Variants in RGS12 observed in about 807,000 individuals in gnomAD.
The protein encoded by RGS12 is regulator of G protein signaling 12.
RGS12 carries 66 observed loss-of-function variants against 120.1 expected under a neutral mutation model. That is an observed-to-expected ratio of 0.55 (90% CI 0.45 to 0.67). RGS12 has a LOEUF of 0.67. Ranked by LOEUF, RGS12 falls within the 30% of genes least tolerant of loss-of-function variation. The pLI is 0.00. For missense variants in RGS12, 1,859 were observed against 1,957.7 expected (o/e 0.95, Z 0.95); for synonymous variants, 827 against 804.7 (o/e 1.03, Z -0.47).
intron 17 of RGS12, among the ~76,000 whole-genome samples, chr4:3,436,926 C>T (rs558381038): frequency 1.3e-3 from 197 of 152,328 alleles, no homozygotes; most frequent in South Asian, 3.3e-3. Flanking sequence ...GTGGCCCAAG[C>T]GGCAGGGAAC....
rs1424068091 is a variant in RGS12 at position 3,332,955 on chromosome 4, A to G, written c.1882-9982A>G. On this transcript the variant is annotated intron_variant, in intron 2 of 17. Coordinates refer to ENST00000336727, the MANE Select transcript of RGS12 (RefSeq NM_001394154.1). ...ATTCTGCTGCCTCAGCCTCCCGAGTAGCTGGGATTACGGGCACATGCCACC... is the reference window on the plus strand; with the variant it reads ...ATTCTGCTGCCTCAGCCTCCCGAGTGGCTGGGATTACGGGCACATGCCACC... 2.0e-5 allele frequency among the ~76,000 whole-genome samples: 3 copies of G among 151,764 alleles called. No homozygotes were observed. In the East Asian group the frequency reaches 5.8e-4, roughly 29 times the overall value.
In RGS12 at chr4:3,410,665, C is replaced by T. The variant is rs1188639096; in HGVS notation, c.2021-3407C>T. Among the ~76,000 whole-genome samples, 9 of 152,332 alleles carry T rather than the reference C, an allele frequency of 5.9e-5. No homozygotes were observed. The South Asian group carries it at 1.4e-3, about 25-fold the overall frequency. ...TCTGCGTTTGCTCCTCCCAGCAGTG[C>T]AGAAGGTGCCTCTTGGCTCAGACTT... On this transcript the variant is annotated intron_variant, in intron 4 of 17. Coordinates refer to ENST00000336727, the MANE Select transcript of RGS12 (RefSeq NM_001394154.1).
intron 2 of RGS12, among the ~76,000 whole-genome samples, chr4:3,333,110 G>A (rs910784533): frequency 2.1e-4 from 31 of 150,480 alleles, no homozygotes; most frequent in African/African-American, 2.2e-4. Flanking sequence ...GTGCAGTGGC[G>A]CGATCTCGGC....
At chr4:3,422,628 GC>G in intron 11 of RGS12, 58 bp downstream of exon 11, 1 of 1,544,738 alleles carries the variant, frequency 6.5e-7, no homozygotes, top group East Asian at 2.3e-5. Flanking sequence ...CCGCTCCCTG[GC>G]CCCCAGCTTT....
Position 3,416,035 on chromosome 4 carries a change from C to G in RGS12, c.2341C>G (p.Pro781Ala). The G allele has an allele frequency of 6.2e-7, 1 of 1,613,962 alleles. No homozygotes were observed. The stretch of plus-strand genomic sequence containing the variant: ...GTTTCTCTGCAGCAAAGCCACCACC[C>G]CGGTCAACATCGACAGCCAGGCCCA... ...SKFLCSKATT[P>A]VNIDSQAQLA... Residue 781 changes from proline to alanine, a missense_variant, in exon 7 of 18, where the codon CCG becomes GCG. By Grantham distance (27) the Pro-to-Ala change is conservative (BLOSUM62 -1). Transcript: ENST00000336727.
rs61759902 is a variant in RGS12, at chr4:3,343,033, C to T, written c.1978C>T (p.Arg660Cys). 349 of 1,609,534 alleles carry T rather than the reference C, an allele frequency of 2.2e-4. 1 individual carries two copies. In the African/African-American group the frequency reaches 4.0e-3, roughly 18 times the overall value. Reference protein sequence around the residue: ...FGRSKRFSITRSLDDLESATV... With the variant: ...FGRSKRFSITCSLDDLESATV... ...GAGATCCAAGAGATTCAGTATCACT[C>T]GCTCCCTTGATGATCTTGAGGTAAT... Residue 660 changes from arginine (R) to cysteine (C), a missense_variant, in exon 3 of 18, where the codon CGC becomes TGC. Physicochemically the swap from Arg to Cys is radical, Grantham distance 180. Transcript: ENST00000336727.
intron 17 of RGS12, among the ~76,000 whole-genome samples, chr4:3,438,308 G>A (rs1370283416): frequency 1.3e-5 from 2 of 152,090 alleles, no homozygotes; most frequent in East Asian, 1.9e-4. Context: ...CGCTAGGTAC[G>A]CAGGAACCTG....
Position 3,317,310 on chromosome 4 carries a change from C to G in RGS12, c.1140C>G (p.Leu380=). The change falls in exon 2 of 18, where the codon CTC becomes CTG. Residue 380 remains leucine (L), a synonymous_variant. Coordinates refer to ENST00000336727, the MANE Select transcript of RGS12 (RefSeq NM_001394154.1). ...NGCLEFPASS[L]PVLQFISVLY... The stretch of plus-strand genomic sequence containing the variant: ...GTCTGGAATTCCCGGCGTCCTCCCT[C>G]CCCGTCCTGCAGTTCATCTCTGTCC... 1 of 1,614,172 alleles carries G rather than the reference C, an allele frequency of 6.2e-7. No homozygotes were observed. The highest frequency in any genetic ancestry group is 8.5e-7 in the Non-Finnish European group (1 of 1,180,046).
rs1719410081 is a variant in RGS12, at chr4:3,390,747, A to G, written c.2020+4310A>G. Among the ~76,000 whole-genome samples, 1 of 152,210 alleles carries G rather than the reference A, an allele frequency of 6.6e-6. No homozygotes were observed. Among genetic ancestry groups the G allele is most frequent in the Non-Finnish European group, 1.5e-5 (1 of 68,042 alleles). ...TTCTCTCTCCTAGCCTTGTGTCTTC[A>G]TCTCGCCGGTCCTTGTTAGCGAACA... is the stretch of plus-strand genomic sequence containing the variant. On this transcript the variant is annotated intron_variant, in intron 4 of 17. Coordinates refer to ENST00000336727, the MANE Select transcript of RGS12 (RefSeq NM_001394154.1). The surrounding 1 kb of genome is among the most constrained non-coding windows in gnomAD (Gnocchi z 4.6).
chr4:3,337,201 A>G (rs1011233326), intron 2 of RGS12, among the ~76,000 whole-genome samples: 7 of 152,194 alleles, frequency 4.6e-5, no homozygotes, highest in African/African-American at 7.2e-5. Flanking sequence ...TGCCACCACC[A>G]TCACAAGAGA....
chr4:3,328,630 C>T (rs1338676351), intron 2 of RGS12, among the ~76,000 whole-genome samples: 5 of 152,116 alleles, frequency 3.3e-5, no homozygotes, highest in African/African-American at 4.8e-5. Context: ...AAATGGACTA[C>T]GACTATATAT....
chr4:3,397,407 T>A (rs1025679291), intron 4 of RGS12, among the ~76,000 whole-genome samples: 20 of 152,142 alleles, frequency 1.3e-4, no homozygotes, highest in African/African-American at 4.6e-4. Context: ...AACCCTCATA[T>A]GAGTTTGGGA....
intron 3 of RGS12, among the ~76,000 whole-genome samples, chr4:3,368,345 GT>G (rs1453101048): frequency 1.3e-5 from 2 of 151,480 alleles, no homozygotes; most frequent in Non-Finnish European, 2.9e-5. Flanking sequence ...GTGTGCCTGT[GT>G]GTGTGTGCAC....
At chr4:3,432,240 A>G in intron 17 of RGS12, 10 of 876,432 alleles carry the variant, frequency 1.1e-5, no homozygotes, top group Non-Finnish European at 1.2e-5. Flanking sequence ...TAATAAAAGT[A>G]TTTTAATCTA....
intron 2 of RGS12, among the ~76,000 whole-genome samples, chr4:3,339,558 T>G (rs1712836734): frequency 6.6e-6 from 1 of 152,190 alleles, no homozygotes; most frequent in African/African-American, 2.4e-5. Flanking sequence ...GAAATGATGT[T>G]TATCTGGGAG....
Position 3,362,682 on chromosome 4 carries a change from AGG to A in RGS12, c.1998+19631_1998+19632del, listed in dbSNP as rs530938220. On this transcript the variant is annotated intron_variant, in intron 3 of 17. Transcript: ENST00000336727. ...GGGACTGAGGCTGAGTGTGAGGGTG[AGG>A]GTGTGTGTGAGGGTGTGTGTGAGGC... 5.8e-3 allele frequency among the ~76,000 whole-genome samples: 510 copies of A among 87,672 alleles called. 6 individuals carry two copies. Among genetic ancestry groups the A allele is most frequent in the Admixed American group, 9.2e-3 (75 of 8,184 alleles). 57.5% of individuals were successfully genotyped at this position (87,672 alleles called of 152,430 possible). A position where few individuals can be genotyped will look rare whatever the true frequency, so the allele number is the denominator to read the frequency against.
At chr4:3,400,630 T>C (rs184095466) in intron 4 of RGS12, among the ~76,000 whole-genome samples, 69 of 149,452 alleles carry the variant, frequency 4.6e-4, no homozygotes, top group Non-Finnish European at 7.3e-4. Context: ...CTATTAGTAA[T>C]AGTATTAGTT....
chr4:3,296,820 G>A (rs1341439877), intron 1 of RGS12, among the ~76,000 whole-genome samples: 1 of 152,234 alleles, frequency 6.6e-6, no homozygotes, highest in East Asian at 1.9e-4. Flanking sequence ...GTCCTGGGAA[G>A]GAAGACAAGC....
upstream of RGS12, among the ~76,000 whole-genome samples, chr4:3,288,377 G>A (rs545160183): frequency 2.5e-4 from 38 of 152,248 alleles, no homozygotes; most frequent in Admixed American, 7.2e-4. The surrounding 1 kb of genome is among the most constrained non-coding windows in gnomAD (Gnocchi z 5.2). Flanking sequence ...GAGGCCTGCC[G>A]GACGCCTGGC....
Sources: gnomAD v4.1 joint callset for allele counts (sites outside exome capture counted in the v4.1 genomes callset) on GRCh38, gnomAD v4.1.1 for gene constraint, Gnocchi (gnomAD v3.1) non-coding constraint, MANE v1.5 for transcripts, NCBI Gene and HGNC (gene_info 2026-07-23, HGNC 2026-07-21) for gene names.